The following AGAP1 variants were observed in gnomAD, a reference collection of about 807,000 sequenced individuals.
AGAP1 encodes ArfGAP with GTPase domain, ankyrin repeat and PH domain 1, also known as arf-GAP with GTPase, ANK repeat and PH domain-containing protein 1.
A neutral mutation model predicts 105.3 loss-of-function variants in AGAP1; 29 were observed. That is an observed-to-expected ratio of 0.28 (90% CI 0.21 to 0.38). The LOEUF is 0.38. Among genes scored for constraint, AGAP1 ranks in the 10% least tolerant of loss-of-function variants. The pLI is 1.00. For synonymous variants in AGAP1, 509 were observed against 485.9 expected, an observed-to-expected ratio of 1.05 and a Z score of -0.63; for missense variants, 998 against 1,165.1, an observed-to-expected ratio of 0.86 and a Z score of 2.09.
rs751273867 is a variant in AGAP1, at chr2:235,959,249, C to T, written c.1484-9213C>T. 6.6e-6 allele frequency among the ~76,000 whole-genome samples: 1 copy of T among 152,176 alleles called. No individual in the cohort carries two copies. The highest frequency in any genetic ancestry group is 1.5e-5 in the Non-Finnish European group (1 of 68,034). ...GTATGCAGCCAGGAGGAGCGGATGG[C>T]GCTCCGTGGGCCGGCTGGAGCTCAT... On this transcript the variant is annotated intron_variant, in intron 12 of 17. Coordinates refer to ENST00000304032, the MANE Select transcript of AGAP1 (RefSeq NM_001037131.3). The surrounding 1 kb of genome is among the most constrained non-coding windows in gnomAD (Gnocchi z 7.3).
In AGAP1 at chr2:235,958,137, A is replaced by G. The variant is rs13425530; in HGVS notation, c.1484-10325A>G. On this transcript the variant is annotated intron_variant, in intron 12 of 17. Coordinates refer to ENST00000304032, the MANE Select transcript of AGAP1 (RefSeq NM_001037131.3). This position sits in a 1 kb window ranked among gnomAD's most constrained non-coding sequence, Gnocchi z 4.1. ...TGTATCTTTAATCAACATGTAGAAA[A>G]TGAACAGCCAACCCTTCGGGAACCA... Among the ~76,000 whole-genome samples the G allele has an allele frequency of 1.5e-3, 235 of 152,312 alleles. No homozygotes were observed. The highest frequency in any genetic ancestry group is 5.3e-3 in the African/African-American group (219 of 41,566).
chr2:235,582,111 A>G lies in AGAP1; in HGVS notation c.163+87262A>G, dbSNP rs531059693. On this transcript the variant is annotated intron_variant, in intron 1 of 17. Coordinates refer to ENST00000304032, the MANE Select transcript of AGAP1 (RefSeq NM_001037131.3). This position sits in a 1 kb window ranked among gnomAD's most constrained non-coding sequence, Gnocchi z 4.7. The stretch of plus-strand genomic sequence containing the variant: ...GCAGGCAGGAGTTGATAGTGATGCT[A>G]TGGGGCTGTCTGCTCTATACGAGGA... Among the ~76,000 whole-genome samples the G allele has an allele frequency of 2.6e-5, 4 of 152,284 alleles. No individual in the cohort carries two copies. The highest frequency in any genetic ancestry group is 2.0e-4 in the Admixed American group (3 of 15,298).
chr2:235,717,235 A>G (rs1951161865), intron 2 of AGAP1, among the ~76,000 whole-genome samples: 1 of 152,192 alleles, frequency 6.6e-6, no homozygotes, highest in Non-Finnish European at 1.5e-5. Context: ...TGCACAGTAG[A>G]TGCCGGCGGG....
chr2:236,038,405 A>T lies in AGAP1; in HGVS notation c.1800+1690A>T, dbSNP rs2057446211. 2.0e-5 allele frequency among the ~76,000 whole-genome samples: 3 copies of T among 152,260 alleles called. No individual in the cohort carries two copies. In the South Asian group the frequency reaches 6.2e-4, roughly 32 times the overall value. On this transcript the variant is annotated intron_variant, in intron 14 of 17. Transcript: ENST00000304032. The surrounding 1 kb of genome is among the most constrained non-coding windows in gnomAD (Gnocchi z 4.5). The stretch of plus-strand genomic sequence containing the variant: ...TCGACCTAATTCAGGAAGATCTGGG[A>T]TGGTGGCAGCCTTTCCCATTCCACA...
At chr2:235,661,914 G>A (rs1947970571) in intron 1 of AGAP1, among the ~76,000 whole-genome samples, 2 of 152,182 alleles carry the variant, frequency 1.3e-5, no homozygotes, top group African/African-American at 4.8e-5. Context: ...ATGCATGACA[G>A]TCAGCTTCCC....
chr2:235,523,130 GGA>G (rs3051819), intron 1 of AGAP1, among the ~76,000 whole-genome samples: 9,120 of 151,822 alleles, frequency 0.06, 841 homozygotes, highest in African/African-American at 0.19. Flanking sequence ...CTCTCATGGT[GGA>G]GAGAGAGAGA....
At chr2:235,912,098 C>A (rs1355070800) in intron 11 of AGAP1, among the ~76,000 whole-genome samples, 1 of 152,164 alleles carries the variant, frequency 6.6e-6, no homozygotes, top group African/African-American at 2.4e-5. Flanking sequence ...AAGCCATGGG[C>A]GGAGGCACTT....
chr2:235,939,326 T>A (rs1284282739), intron 12 of AGAP1, among the ~76,000 whole-genome samples: 1 of 152,044 alleles, frequency 6.6e-6, no homozygotes, highest in East Asian at 1.9e-4. Context: ...GGAGCTTCCA[T>A]GTATGATCTG....
intron 1 of AGAP1, among the ~76,000 whole-genome samples, chr2:235,525,644 G>C (rs1478899554): frequency 6.9e-6 from 1 of 145,214 alleles, no homozygotes; most frequent in African/African-American, 2.6e-5. Flanking sequence ...GATTTATAAA[G>C]TAGAGGACTG....
chr2:235,937,650 C>T (rs948064902), intron 12 of AGAP1, among the ~76,000 whole-genome samples: 7 of 152,326 alleles, frequency 4.6e-5, no homozygotes, highest in Middle Eastern at 3.4e-3. Flanking sequence ...ACCTCTTGGC[C>T]CTCTGGCCCT....
In AGAP1 at chr2:235,741,893, A is replaced by G. The variant is rs1344420865; in HGVS notation, c.396+845A>G. Among the ~76,000 whole-genome samples the G allele has an allele frequency of 2.0e-5, 3 of 151,710 alleles. No individual in the cohort carries two copies. Among genetic ancestry groups the G allele is most frequent in the Non-Finnish European group, 4.4e-5 (3 of 67,944 alleles). On this transcript the variant is annotated intron_variant, in intron 4 of 17. Coordinates refer to ENST00000304032, the MANE Select transcript of AGAP1 (RefSeq NM_001037131.3). This position sits in a 1 kb window ranked among gnomAD's most constrained non-coding sequence, Gnocchi z 4.9. ...CTCAGCCTCCTGAGTAGCTGGGACT[A>G]CGGGCGCCTGCTACCACGCCTGGCT...
At chr2:235,776,891 A>T (rs979638586) in intron 6 of AGAP1, 4 of 470,242 alleles carry the variant, frequency 8.5e-6, no homozygotes. Flanking sequence ...CTTGGCTGCA[A>T]CCTCTCTGGC....
intron 9 of AGAP1, among the ~76,000 whole-genome samples, chr2:235,834,825 G>A (rs1110084): frequency 6.6e-6 from 1 of 152,010 alleles, no homozygotes; most frequent in African/African-American, 2.4e-5. Flanking sequence ...GAATATCCAG[G>A]CCCTTAGAGG....
chr2:235,763,989 T>TGCAGCTGTGATCTGTGC (rs141322604), intron 6 of AGAP1, among the ~76,000 whole-genome samples: 1 of 142,824 alleles, frequency 7.0e-6, no homozygotes, highest in African/African-American at 3.0e-5. Context: ...AAGATCTGTG[T>TGCAGCTGTGATCTGTGC]GTGGCTGTGA....
intron 1 of AGAP1, among the ~76,000 whole-genome samples, chr2:235,677,473 A>G (rs1948802891): frequency 1.3e-5 from 2 of 152,068 alleles, no homozygotes; most frequent in Non-Finnish European, 2.9e-5. Context: ...TTTCTTTCCT[A>G]TACTGTCCTT....
chr2:235,759,345 AT>A (rs1954225411), intron 6 of AGAP1, among the ~76,000 whole-genome samples: 2 of 150,746 alleles, frequency 1.3e-5, no homozygotes, highest in Non-Finnish European at 1.5e-5. Flanking sequence ...ATTTTTTTGT[AT>A]TTTTAGTAGA....
chr2:235,651,221 A>G (rs1486487488), intron 1 of AGAP1, among the ~76,000 whole-genome samples: 2 of 143,950 alleles, frequency 1.4e-5, no homozygotes, highest in East Asian at 4.1e-4. Flanking sequence ...AAAAAAAGAG[A>G]CACCCTTGCA....
intron 12 of AGAP1, among the ~76,000 whole-genome samples, chr2:235,933,770 A>T (rs1306367369): frequency 1.2e-4 from 18 of 151,774 alleles, no homozygotes; most frequent in Admixed American, 1.2e-3. Flanking sequence ...TGACCTCATG[A>T]TCTGCCCGCC....
chr2:235,907,599 G>C (rs866428314), intron 10 of AGAP1, among the ~76,000 whole-genome samples: 3 of 152,150 alleles, frequency 2.0e-5, no homozygotes, highest in Non-Finnish European at 2.9e-5. Flanking sequence ...TAAAACACTT[G>C]AAATGTTGTT....
Sources: gnomAD v4.1 joint callset for allele counts (sites outside exome capture counted in the v4.1 genomes callset) on GRCh38, gnomAD v4.1.1 for gene constraint, Gnocchi (gnomAD v3.1) non-coding constraint, MANE v1.5 for transcripts, NCBI Gene and HGNC (gene_info 2026-07-23, HGNC 2026-07-21) for gene names.